LYRM4: variants seen among roughly 807,000 people sequenced by gnomAD.
LYRM4 encodes the protein LYR motif containing 4, also known as LYR motif-containing protein 4.
In LYRM4, 9 loss-of-function variants were observed where a neutral mutation model predicts 11.7. The observed-to-expected ratio is 0.77, with a 90% CI of 0.46 to 1.34. The LOEUF (loss-of-function observed/expected upper bound fraction) is 1.34. Among genes scored for constraint, LYRM4 ranks in the 40% most tolerant of loss-of-function variants. The pLI, the probability that LYRM4 is intolerant of heterozygous loss-of-function variation, is 0.00. For missense variants in LYRM4, 133 were observed against 112.5 expected (o/e 1.18, Z -0.82); for synonymous variants, 42 against 40.4 (o/e 1.04, Z -0.15).
At chr6:5,130,410 T>C (rs536517920) in intron 2 of LYRM4, among the ~76,000 whole-genome samples, 42 of 152,336 alleles carry the variant, frequency 2.8e-4, no homozygotes, top group Non-Finnish European at 4.0e-4. Context: ...ACAGGGGACC[T>C]GGGAACAGGG....
At chr6:5,257,953 T>C (rs895446593) in intron 1 of LYRM4, among the ~76,000 whole-genome samples, 2 of 151,356 alleles carry the variant, frequency 1.3e-5, no homozygotes, top group African/African-American at 2.4e-5. Context: ...GGGATGGGAG[T>C]GGAAGCTGTG....
At chr6:5,047,984 C>A in the LYRM4 span, among the ~76,000 whole-genome samples, 1 of 152,196 alleles carries the variant, frequency 6.6e-6, no homozygotes, top group Non-Finnish European at 1.5e-5. Flanking sequence ...AAAAATCAGA[C>A]AGCATCAATC....
intron 2 of LYRM4, among the ~76,000 whole-genome samples, chr6:5,175,270 C>T (rs926751950): frequency 9.8e-5 from 15 of 152,310 alleles, no homozygotes; most frequent in African/African-American, 3.6e-4. Context: ...ATTTCAATAT[C>T]TAATTTCACA....
At chr6:5,089,927 TTTTC>T in the LYRM4 span, among the ~76,000 whole-genome samples, 7 of 151,988 alleles carry the variant, frequency 4.6e-5, no homozygotes, top group Non-Finnish European at 7.4e-5. Flanking sequence ...TAAAAATAGG[TTTTC>T]TTTGTTTTTG....
At chr6:5,115,823 T>C (rs1489467645) in intron 2 of LYRM4, among the ~76,000 whole-genome samples, 1 of 152,220 alleles carries the variant, frequency 6.6e-6, no homozygotes, top group African/African-American at 2.4e-5. Flanking sequence ...CATCAGGTCT[T>C]ACAATGTGAA....
At chr6:5,258,247 A>G (rs191737677) in intron 1 of LYRM4, among the ~76,000 whole-genome samples, 52 of 152,320 alleles carry the variant, frequency 3.4e-4, no homozygotes, top group Middle Eastern at 3.4e-3. Context: ...AGAGAGTTCC[A>G]AAGTATTTAT....
the LYRM4 span, among the ~76,000 whole-genome samples, chr6:5,037,407 T>C: frequency 3.2e-5 from 1 of 31,526 alleles, no homozygotes; most frequent in African/African-American, 7.9e-5. Flanking sequence ...CCATGTCTAC[T>C]TCTATCCACA....
At chr6:5,222,764 G>GAAA (rs56295961) in intron 1 of LYRM4, among the ~76,000 whole-genome samples, 56 of 139,970 alleles carry the variant, frequency 4.0e-4, no homozygotes, top group African/African-American at 1.2e-3. Context: ...AGCAAAACAA[G>GAAA]AAAAAAAAAA....
the LYRM4 span, among the ~76,000 whole-genome samples, chr6:5,081,800 C>T: frequency 4.0e-4 from 61 of 152,330 alleles, no homozygotes; most frequent in South Asian, 9.9e-3. Context: ...AATGAGATGA[C>T]TGAGAGTGGG....
chr6:5,037,542 GTC>G, the LYRM4 span, among the ~76,000 whole-genome samples: 1 of 77,812 alleles, frequency 1.3e-5, no homozygotes, highest in Non-Finnish European at 3.1e-5. Flanking sequence ...CCCAGACGGG[GTC>G]CTGGCCGGGC....
intron 1 of LYRM4, among the ~76,000 whole-genome samples, chr6:5,259,658 G>C (rs957759349): frequency 7.9e-5 from 12 of 152,336 alleles, no homozygotes; most frequent in African/African-American, 2.9e-4. Context: ...TGTTCCAAGG[G>C]TAGGCTCTGC....
the LYRM4 span, chr6:5,085,629 G>A: frequency 6.5e-7 from 1 of 1,548,490 alleles, no homozygotes; most frequent in Non-Finnish European, 8.7e-7. Context: ...CGGAGACCCC[G>A]AGTCCTGACG....
intron 2 of LYRM4, among the ~76,000 whole-genome samples, chr6:5,163,982 G>C (rs910356856): frequency 6.6e-6 from 1 of 152,044 alleles, no homozygotes; most frequent in East Asian, 1.9e-4. Flanking sequence ...TATAAACATG[G>C]AATATGCTGT....
At chr6:5,046,236 T>C in the LYRM4 span, among the ~76,000 whole-genome samples, 1 of 152,068 alleles carries the variant, frequency 6.6e-6, no homozygotes, top group Admixed American at 6.6e-5. Flanking sequence ...AAGCTCTGCC[T>C]CCTGGGTTCA....
At chr6:5,210,141 C>T (rs1164010057) in intron 2 of LYRM4, among the ~76,000 whole-genome samples, 3 of 152,146 alleles carry the variant, frequency 2.0e-5, no homozygotes, top group Admixed American at 6.5e-5. Context: ...TAACTTTGTT[C>T]ATCTGCAGCC....
intron 1 of LYRM4, among the ~76,000 whole-genome samples, chr6:5,254,293 A>G (rs1415212240): frequency 6.6e-6 from 1 of 152,194 alleles, no homozygotes; most frequent in Non-Finnish European, 1.5e-5. Flanking sequence ...TTCTTGAAGC[A>G]TCTCGACAAC....
At chr6:5,086,756 C>G in the LYRM4 span, 2 of 591,726 alleles carry the variant, frequency 3.4e-6, no homozygotes, top group Non-Finnish European at 3.0e-6. Flanking sequence ...TTAGAGAGCC[C>G]GGGCAATGCT....
At chr6:5,046,320 G>A in the LYRM4 span, among the ~76,000 whole-genome samples, 7 of 152,114 alleles carry the variant, frequency 4.6e-5, no homozygotes, top group East Asian at 5.8e-4. Context: ...CTAATTTTTT[G>A]TATTTTTAGT....
intron 2 of LYRM4, among the ~76,000 whole-genome samples, chr6:5,215,388 C>G (rs905860510): frequency 2.6e-5 from 4 of 152,164 alleles, no homozygotes; most frequent in Admixed American, 2.6e-4. Flanking sequence ...ATGCCACTCT[C>G]AAAGTATACA....
Sources: allele counts gnomAD v4.1 joint callset (sites outside exome capture counted in the v4.1 genomes callset), GRCh38; gene constraint gnomAD v4.1.1; transcripts MANE v1.5; gene names NCBI Gene and HGNC (gene_info 2026-07-23, HGNC 2026-07-21).